Variants in RYR2 observed in about 807,000 individuals in gnomAD.
RYR2 encodes the protein cardiac muscle ryanodine receptor-calcium release channel.
RYR2 carries 227 observed loss-of-function variants against 601.1 expected under a neutral mutation model. That is an observed-to-expected ratio of 0.38 (90% CI 0.34 to 0.42). The LOEUF (loss-of-function observed/expected upper bound fraction) is 0.42, where lower values mean the gene tolerates loss of function less well. Among genes scored for constraint, RYR2 ranks in the 10% least tolerant of loss-of-function variants. The pLI, the probability that RYR2 is intolerant of heterozygous loss-of-function variation, is 1.00. For missense variants in RYR2, 4,646 were observed against 6,156.5 expected, an observed-to-expected ratio of 0.75 and a Z score of 8.21; for synonymous variants, 2,223 against 2,175.1, an observed-to-expected ratio of 1.02 and a Z score of -0.61.
In RYR2 at chr1:237,536,451, A is replaced by G. The variant is rs533319935; in HGVS notation, c.2906+5941A>G. 9.6e-3 allele frequency among the ~76,000 whole-genome samples: 1,418 copies of G among 147,914 alleles called. 8 individuals are homozygous for G. The highest frequency in any genetic ancestry group is 0.012 in the Non-Finnish European group (834 of 67,206). ...GCCGGGTGGCCGGGCGTGGTGGCTCACGCCTGTAACCCCAGCACTTTGGGA... is the reference window on the plus strand; with the variant it reads ...GCCGGGTGGCCGGGCGTGGTGGCTCGCGCCTGTAACCCCAGCACTTTGGGA... On this transcript the variant is annotated intron_variant, in intron 25 of 104. Coordinates refer to ENST00000366574, the MANE Select transcript of RYR2 (RefSeq NM_001035.3).
intron 1 of RYR2, among the ~76,000 whole-genome samples, chr1:237,189,066 C>T (rs867603422): frequency 7.9e-5 from 12 of 152,278 alleles, no homozygotes; most frequent in African/African-American, 2.6e-4. Context: ...CTCCTCCCAG[C>T]CCTTGACAAC....
At chr1:237,779,438 G>A (rs1694922242) in intron 88 of RYR2, among the ~76,000 whole-genome samples, 1 of 152,180 alleles carries the variant, frequency 6.6e-6, no homozygotes, top group East Asian at 1.9e-4. Flanking sequence ...AATTTTGATG[G>A]TATAATCTGA....
chr1:237,655,791 T>TG, intron 52 of RYR2, 30 bp from the exon 53 acceptor site: 15 of 768,152 alleles, frequency 2.0e-5, no homozygotes, highest in Non-Finnish European at 2.7e-5. Flanking sequence ...CATATAGTAA[T>TG]TTTTTTTTTT....
intron 27 of RYR2, among the ~76,000 whole-genome samples, chr1:237,559,564 C>A (rs34220107): frequency 0.04 from 6,087 of 152,154 alleles, 178 homozygotes; most frequent in Middle Eastern, 0.11. Flanking sequence ...TTATTTAGTT[C>A]ATTACACATG....
chr1:237,619,218 AG>A (rs1678811500), intron 38 of RYR2, among the ~76,000 whole-genome samples: 1 of 152,256 alleles, frequency 6.6e-6, no homozygotes, highest in Non-Finnish European at 1.5e-5. Flanking sequence ...ACCAACACTG[AG>A]ATAACAAAGA....
rs577371071 is a variant in RYR2, at chr1:237,726,283, G to T, written c.10700G>T (p.Arg3567Leu). ...TTTTATTTCTTTCAGAAGTCTAAAC[G>T]TGTGGGTCGGAGACATTACTGTCTG... ...VLFHLEQKSK[R>L]VGRRHYCLVE... The change falls in exon 75 of 105, where the codon CGT becomes CTT. Residue 3567 changes from arginine (R) to leucine (L), a missense_variant. By Grantham distance (102) the Arg-to-Leu change is moderately radical. Transcript: ENST00000366574. The T allele has an allele frequency of 2.5e-6, 4 of 1,586,226 alleles. No individual in the cohort carries two copies. Among genetic ancestry groups the T allele is most frequent in the South Asian group, 2.3e-5 (2 of 87,314 alleles).
intron 62 of RYR2, among the ~76,000 whole-genome samples, chr1:237,686,530 G>A (rs983606034): frequency 7.9e-5 from 12 of 152,128 alleles, no homozygotes; most frequent in African/African-American, 2.9e-4. Flanking sequence ...TGAGGGACGA[G>A]TAGATGGGAG....
chr1:237,116,823 A>C (rs1670133535), intron 1 of RYR2, among the ~76,000 whole-genome samples: 2 of 152,042 alleles, frequency 1.3e-5, no homozygotes, highest in South Asian at 4.2e-4. Context: ...CTTCCTCTGC[A>C]TTTTGTTCTA....
At chr1:237,223,563 A>C (rs1009992413) in intron 1 of RYR2, among the ~76,000 whole-genome samples, 2 of 152,220 alleles carry the variant, frequency 1.3e-5, no homozygotes, top group African/African-American at 4.8e-5. Context: ...TGGTCAATTA[A>C]AATGTAATCT....
rs530196 is a variant in RYR2, at chr1:237,639,288, A to G, written c.7115+87A>G. The G allele has an allele frequency of 7.4e-3, 9,157 of 1,240,696 alleles. 59 individuals carry two copies. The highest frequency in any genetic ancestry group is 9.1e-3 in the Non-Finnish European group (8,318 of 913,514). 76.9% of individuals were successfully genotyped at this position (1,240,696 alleles called of 1,614,324 possible). A position where few individuals can be genotyped will look rare whatever the true frequency, so the allele number is the denominator to read the frequency against. ...ATATATTCTGCATCCTATGAATTGT[A>G]ATATAACTTGTGGTACAGAAGATTT... On this transcript the variant is annotated intron_variant, in intron 46 of 104. Coordinates refer to ENST00000366574, the MANE Select transcript of RYR2 (RefSeq NM_001035.3).
intron 11 of RYR2, among the ~76,000 whole-genome samples, chr1:237,420,026 T>A (rs1460703489): frequency 2.0e-5 from 3 of 152,278 alleles, no homozygotes; most frequent in Non-Finnish European, 4.4e-5. Flanking sequence ...TCTTCTCTTT[T>A]CTCCAGTGAG....
chr1:237,752,229 T>C (rs1487312363), intron 80 of RYR2, among the ~76,000 whole-genome samples: 1 of 152,212 alleles, frequency 6.6e-6, no homozygotes, highest in African/African-American at 2.4e-5. Context: ...TGTCTTGCTC[T>C]GTTGCTCAGG....
intron 1 of RYR2, among the ~76,000 whole-genome samples, chr1:237,161,907 C>A (rs1443727616): frequency 6.6e-6 from 1 of 152,134 alleles, no homozygotes; most frequent in Non-Finnish European, 1.5e-5. Flanking sequence ...TTTTCTATAG[C>A]AAATACGTCA....
intron 14 of RYR2, among the ~76,000 whole-genome samples, chr1:237,449,863 T>C (rs1657878852): frequency 6.6e-6 from 1 of 152,164 alleles, no homozygotes; most frequent in Non-Finnish European, 1.5e-5. Context: ...ACATTGTGAA[T>C]TTGTTAGGTG....
chr1:237,414,846 G>A (rs958385443), intron 10 of RYR2, among the ~76,000 whole-genome samples: 5 of 152,170 alleles, frequency 3.3e-5, no homozygotes, highest in African/African-American at 1.2e-4. Context: ...GAGGACGTAT[G>A]TTAAGTGAGA....
intron 17 of RYR2, among the ~76,000 whole-genome samples, chr1:237,478,213 T>G (rs144952951): frequency 2.4e-4 from 36 of 152,340 alleles, no homozygotes; most frequent in African/African-American, 8.4e-4. Flanking sequence ...CTGCTATGTT[T>G]AGGAGAAGCA....
At chr1:237,719,313 C>T (rs182398519) in intron 73 of RYR2, among the ~76,000 whole-genome samples, 1 of 152,140 alleles carries the variant, frequency 6.6e-6, no homozygotes, top group East Asian at 1.9e-4. Context: ...TTTTAAGAGT[C>T]GTTAGTCTAT....
intron 1 of RYR2, among the ~76,000 whole-genome samples, chr1:237,083,882 A>G (rs897694871): frequency 2.0e-5 from 3 of 152,234 alleles, no homozygotes; most frequent in African/African-American, 7.2e-5. Context: ...CTTAGGCATG[A>G]AAATCCAGTG....
At chr1:237,074,422 C>G (rs997653287) in intron 1 of RYR2, among the ~76,000 whole-genome samples, 1 of 152,148 alleles carries the variant, frequency 6.6e-6, no homozygotes, top group Non-Finnish European at 1.5e-5. Flanking sequence ...AAGGATGACT[C>G]CTTGGGAGGA....
Sources: allele counts gnomAD v4.1 joint callset (sites outside exome capture counted in the v4.1 genomes callset), GRCh38; gene constraint gnomAD v4.1.1; transcripts MANE v1.5; gene names NCBI Gene and HGNC (gene_info 2026-07-23, HGNC 2026-07-21).